Variants in NMNAT3 observed in about 807,000 individuals in gnomAD.
NMNAT3 encodes nicotinamide nucleotide adenylyltransferase 3, also known as nicotinamide/nicotinic acid mononucleotide adenylyltransferase 3.
Under a neutral mutation model 24.8 loss-of-function variants are expected in NMNAT3, and 21 were observed. That is an observed-to-expected ratio of 0.85 (90% CI 0.60 to 1.22). The LOEUF (loss-of-function observed/expected upper bound fraction) is 1.22. Ranked by LOEUF, NMNAT3 falls within the 50% of genes most tolerant of loss-of-function variation. The pLI, the probability that NMNAT3 is intolerant of heterozygous loss-of-function variation, is 0.00. For synonymous variants in NMNAT3, 136 were observed against 155.2 expected (o/e 0.88, Z 0.92); for missense variants, 387 against 436.6 (o/e 0.89, Z 1.01).
In NMNAT3 at chr3:139,589,668, TAC is replaced by T. The variant is rs758748827; in HGVS notation, c.110-6462_110-6461del. ...AATAGTTTAGGCTTTGCAGGCCACA[TAC>T]AGTTTTTATGGGCCACATACAAGCT... On this transcript the variant is annotated intron_variant, in intron 3 of 6. Coordinates refer to ENST00000643695, the MANE Select transcript of NMNAT3 (RefSeq NM_001320510.2). Among the ~76,000 whole-genome samples the T allele has an allele frequency of 3.3e-5, 5 of 152,334 alleles. No individual in the cohort carries two copies. The East Asian group carries it at 7.7e-4, about 23-fold the overall frequency.
chr3:139,566,304 C>T (rs1937199973), intron 6 of NMNAT3: 3 of 151,600 alleles, frequency 2.0e-5, no homozygotes, highest in South Asian at 2.1e-4. Flanking sequence ...TTCTCCCATT[C>T]TGTAAGTTAC....
At position 139,596,964 on chromosome 3, in the gene NMNAT3, A is replaced by AT. The variant is rs3028156; in HGVS notation, c.110-13757dup. The stretch of plus-strand genomic sequence containing the variant: ...TATATATATATATATATATATATAT[A>AT]TTTTTATTACATTGCATTACAACCA... On this transcript the variant is annotated intron_variant, in intron 3 of 6. Transcript: ENST00000643695. Among the ~76,000 whole-genome samples, 9 of 108,554 alleles carry AT rather than the reference A, an allele frequency of 8.3e-5. No homozygotes were observed. In the East Asian group the frequency reaches 1.7e-3, roughly 20 times the overall value. 71.2% of individuals were successfully genotyped at this position (108,554 alleles called of 152,430 possible).
Position 139,627,720 on chromosome 3 carries a change from T to G in NMNAT3, c.5A>C (p.Lys2Thr). 1.3e-6 allele frequency: 2 copies of G among 1,588,330 alleles called. No homozygotes were observed. The highest frequency in any genetic ancestry group is 1.7e-6 in the Non-Finnish European group (2 of 1,174,668). Residue 2 changes from lysine (K) to threonine (T), a missense_variant, in exon 3 of 7, where the codon AAG becomes ACG. Physicochemically the swap from Lys to Thr is moderately conservative, Grantham distance 78 (BLOSUM62 -1). This residue lies in a region of NMNAT3 where 51 missense variants were observed against 55.6 expected (regional missense o/e 0.92). Transcript: ENST00000643695. Reference sequence around the variant, plus strand: ...CAGGAGCACCACAGGTATTCGGCTCTTCATCTTGTCAGGCACATCCACACC... The same window carrying G: ...CAGGAGCACCACAGGTATTCGGCTCGTCATCTTGTCAGGCACATCCACACC...
intron 2 of NMNAT3, among the ~76,000 whole-genome samples, chr3:139,628,419 T>C (rs2056150821): frequency 6.6e-6 from 1 of 152,262 alleles, no homozygotes; most frequent in South Asian, 2.1e-4. Context: ...TCTTTACTTC[T>C]AAATACTTCA....
chr3:139,622,940 C>T (rs933617631), intron 3 of NMNAT3, among the ~76,000 whole-genome samples: 5 of 147,176 alleles, frequency 3.4e-5, no homozygotes, highest in Admixed American at 1.4e-4. Context: ...TGAATCAAGG[C>T]GTGAGTAAAT....
rs1394830788 is a variant in NMNAT3 at position 139,657,348 on chromosome 3, T to TA, written c.-140-19287dup. On this transcript the variant is annotated intron_variant, in intron 1 of 6. Transcript: ENST00000643695. Reference sequence around the variant, plus strand: ...CAATTATAACTTCTTCCCTCAAGAGTAAATTGTTCTTCTTCCTGTGTATCT... The same window carrying TA: ...CAATTATAACTTCTTCCCTCAAGAGTAAAATTGTTCTTCTTCCTGTGTATCT... Among the ~76,000 whole-genome samples the TA allele has an allele frequency of 2.0e-5, 3 of 152,302 alleles. No homozygotes were observed. The East Asian group carries it at 5.8e-4, about 29-fold the overall frequency.
intron 3 of NMNAT3, among the ~76,000 whole-genome samples, chr3:139,624,487 C>T (rs958086539): frequency 6.6e-6 from 1 of 151,412 alleles, no homozygotes; most frequent in Non-Finnish European, 1.5e-5. Flanking sequence ...TCGCTGCACT[C>T]CCCAGGCTGG....
At chr3:139,634,817 T>C (rs1365413705) in intron 2 of NMNAT3, 170 bp from the exon 3 acceptor site, 1 of 152,176 alleles carries the variant, frequency 6.6e-6, no homozygotes, top group Non-Finnish European at 1.5e-5. Context: ...CTAGTTTCAA[T>C]TGCCACAATA....
At chr3:139,593,304 G>C (rs555781812) in intron 3 of NMNAT3, among the ~76,000 whole-genome samples, 10 of 152,256 alleles carry the variant, frequency 6.6e-5, no homozygotes, top group East Asian at 3.9e-4. Flanking sequence ...GGAGCACCCA[G>C]ATTCATAAAG....
intron 4 of NMNAT3, among the ~76,000 whole-genome samples, chr3:139,581,077 C>G (rs1234466684): frequency 1.3e-5 from 2 of 152,142 alleles, no homozygotes; most frequent in Non-Finnish European, 2.9e-5. Flanking sequence ...TCCTAGCCAA[C>G]ATATTTAGAC....
At chr3:139,624,430 G>T (rs1446666638) in intron 3 of NMNAT3, among the ~76,000 whole-genome samples, 1 of 149,188 alleles carries the variant, frequency 6.7e-6, no homozygotes, top group Admixed American at 6.7e-5. Context: ...TATTACTTCA[G>T]TTCTTTTACA....
intron 1 of NMNAT3, among the ~76,000 whole-genome samples, chr3:139,644,518 CTAAG>C (rs1393593510): frequency 5.9e-5 from 9 of 152,080 alleles, no homozygotes; most frequent in Admixed American, 6.6e-5. Context: ...GAAAAACAAC[CTAAG>C]TAGAGGTAAT....
intron 1 of NMNAT3, among the ~76,000 whole-genome samples, chr3:139,641,087 G>A (rs1363068092): frequency 6.6e-6 from 1 of 152,106 alleles, no homozygotes; most frequent in Non-Finnish European, 1.5e-5. Flanking sequence ...TGCACTTATT[G>A]CTTCAGAATC....
At chr3:139,616,348 ACTT>A (rs2055501828) in intron 3 of NMNAT3, among the ~76,000 whole-genome samples, 1 of 151,842 alleles carries the variant, frequency 6.6e-6, no homozygotes, top group African/African-American at 2.4e-5. Context: ...GTCTTCTTGA[ACTT>A]CTTTGTAAGC....
intron 5 of NMNAT3, among the ~76,000 whole-genome samples, chr3:139,575,391 T>G (rs570447351): frequency 3.3e-5 from 5 of 152,318 alleles, no homozygotes; most frequent in African/African-American, 9.6e-5. Context: ...AGATTGAGTC[T>G]CACCTCCACT....
chr3:139,613,711 A>G (rs1467453050), intron 3 of NMNAT3, among the ~76,000 whole-genome samples: 1 of 152,158 alleles, frequency 6.6e-6, no homozygotes, highest in East Asian at 1.9e-4. Context: ...CACTATTCAC[A>G]ATAGCAAAGA....
chr3:139,574,227 A>C (rs1938930410), intron 5 of NMNAT3, among the ~76,000 whole-genome samples: 1 of 152,252 alleles, frequency 6.6e-6, no homozygotes, highest in Admixed American at 6.5e-5. Flanking sequence ...GCCAAGAGCC[A>C]GGGCTTGCAG....
At chr3:139,561,431 G>A (rs576747468) in intron 6 of NMNAT3, 39 bp from the exon 7 acceptor site, 2 of 1,579,196 alleles carry the variant, frequency 1.3e-6, no homozygotes, top group Admixed American at 1.8e-5. Flanking sequence ...GTTAGAGAGA[G>A]GTCACTGCCA....
intron 1 of NMNAT3, among the ~76,000 whole-genome samples, chr3:139,640,979 T>C (rs1203638779): frequency 6.6e-6 from 1 of 152,154 alleles, no homozygotes; most frequent in Non-Finnish European, 1.5e-5. Context: ...ATAATCGCTA[T>C]TGTGTTGGCT....
Sources: gnomAD v4.1 joint callset for allele counts (sites outside exome capture counted in the v4.1 genomes callset) on GRCh38, gnomAD v4.1.1 for gene constraint, gnomAD v4.1.1 regional missense constraint, MANE v1.5 for transcripts, NCBI Gene and HGNC (gene_info 2026-07-23, HGNC 2026-07-21) for gene names.